The following ARID2 variants were observed in gnomAD, a reference collection of about 807,000 sequenced individuals.
ARID2 encodes the protein AT-rich interaction domain 2.
ARID2 carries 32 observed loss-of-function variants against 184.6 expected under a neutral mutation model. That is an observed-to-expected ratio of 0.17 (90% CI 0.13 to 0.23). ARID2 has a LOEUF of 0.23. ARID2 is among the 10% of genes least tolerant of loss of function. The pLI is 1.00. For missense variants in ARID2, 1,696 were observed against 2,197.6 expected (o/e 0.77, Z 4.56); for synonymous variants, 836 against 772.6 (o/e 1.08, Z -1.36).
At chr12:45,802,116 G>A (rs1464083715) in intron 3 of ARID2, among the ~76,000 whole-genome samples, 2 of 148,890 alleles carry the variant, frequency 1.3e-5, no homozygotes. Context: ...GCCAAGGCTG[G>A]AGTGCAGTGG....
intron 10 of ARID2, among the ~76,000 whole-genome samples, chr12:45,838,518 A>G (rs1943263201): frequency 6.6e-6 from 1 of 152,212 alleles, no homozygotes; most frequent in South Asian, 2.1e-4. Context: ...CTGTAATCCC[A>G]GCACTTTGGG....
chr12:45,767,418 T>A (rs1209685410), intron 3 of ARID2, among the ~76,000 whole-genome samples: 2 of 152,196 alleles, frequency 1.3e-5, no homozygotes, highest in African/African-American at 4.8e-5. Flanking sequence ...AGATTCATGC[T>A]TTTAGTTACT....
At chr12:45,733,418 T>G (rs999270151) in intron 3 of ARID2, among the ~76,000 whole-genome samples, 3 of 152,212 alleles carry the variant, frequency 2.0e-5, no homozygotes, top group Non-Finnish European at 4.4e-5. Context: ...CTCTTCATAG[T>G]AAGAAATAGT....
chr12:45,829,801 CTT>C (rs774087811), intron 6 of ARID2, among the ~76,000 whole-genome samples: 6 of 91,278 alleles, frequency 6.6e-5, no homozygotes, highest in African/African-American at 1.0e-4. Flanking sequence ...CTTTCTTCTT[CTT>C]TTTTTTTTTT....
chr12:45,777,625 C>G (rs1942010172), intron 3 of ARID2, among the ~76,000 whole-genome samples: 1 of 151,824 alleles, frequency 6.6e-6, no homozygotes, highest in Non-Finnish European at 1.5e-5. Flanking sequence ...TAACTTGAGT[C>G]TATCCCTAAT....
intron 20 of ARID2, among the ~76,000 whole-genome samples, chr12:45,895,823 G>A (rs558612431): frequency 3.7e-4 from 57 of 152,226 alleles, no homozygotes; most frequent in Non-Finnish European, 4.6e-4. Flanking sequence ...GTGAGCCACC[G>A]CACCTGGCCA....
At chr12:45,897,918 C>T (rs979172902) in intron 20 of ARID2, among the ~76,000 whole-genome samples, 35 of 151,964 alleles carry the variant, frequency 2.3e-4, no homozygotes, top group African/African-American at 8.0e-4. Flanking sequence ...AATCATGGCT[C>T]ACTGCAGTCT....
intron 11 of ARID2, among the ~76,000 whole-genome samples, chr12:45,843,801 A>T (rs1250552329): frequency 6.6e-6 from 1 of 152,204 alleles, no homozygotes; most frequent in East Asian, 1.9e-4. Context: ...TTTTTCGGAA[A>T]ATGTCTGCCA....
rs2138177079 is a variant in ARID2 at position 45,852,229 on chromosome 12, G to T, written c.4106G>T (p.Gly1369Val). Reference protein sequence around the residue: ...NGICDFDKGDGSHLSKNIPNH... With the variant: ...NGICDFDKGDVSHLSKNIPNH... ...ATCTGTGATTTTGATAAAGGAGATG[G>T]TTCTCATTTAAGCAAAAACATTCCA... The change falls in exon 15 of 21, where the codon GGT becomes GTT. Residue 1369 changes from glycine (G) to valine (V), a missense_variant. Gly to Val is a moderately radical substitution (Grantham distance 109). Transcript: ENST00000334344. The T allele has an allele frequency of 1.9e-6, 3 of 1,614,026 alleles. No individual in the cohort carries two copies. The highest frequency in any genetic ancestry group is 2.5e-6 in the Non-Finnish European group (3 of 1,179,978).
At chr12:45,753,935 CTT>C (rs1446661309) in intron 3 of ARID2, among the ~76,000 whole-genome samples, 3 of 152,244 alleles carry the variant, frequency 2.0e-5, no homozygotes, top group Middle Eastern at 6.8e-3. Context: ...CTCTTAGTGA[CTT>C]TTGCCATTTT....
intron 3 of ARID2, among the ~76,000 whole-genome samples, chr12:45,809,282 A>T (rs2138079220): frequency 6.6e-6 from 1 of 152,366 alleles, no homozygotes; most frequent in East Asian, 1.9e-4. Context: ...ATACTATTAT[A>T]TCCAAGTGAT....
At chr12:45,816,236 T>C (rs1233682779) in intron 4 of ARID2, among the ~76,000 whole-genome samples, 1 of 152,258 alleles carries the variant, frequency 6.6e-6, no homozygotes, top group Non-Finnish European at 1.5e-5. Flanking sequence ...AAAATCTTAG[T>C]TGCTTTGGTT....
chr12:45,795,516 TC>T (rs1408605099), intron 3 of ARID2, among the ~76,000 whole-genome samples: 1 of 152,054 alleles, frequency 6.6e-6, no homozygotes, highest in Admixed American at 6.6e-5. Flanking sequence ...ACTGCAAAGC[TC>T]CGCCTCCCGG....
At chr12:45,903,337 T>C (rs752500878) in intron 20 of ARID2, among the ~76,000 whole-genome samples, 14 of 152,188 alleles carry the variant, frequency 9.2e-5, no homozygotes, top group Admixed American at 7.2e-4. Context: ...ATACGGAACA[T>C]ATTTCTGTTG....
intron 3 of ARID2, among the ~76,000 whole-genome samples, chr12:45,767,511 A>C (rs1941795235): frequency 6.6e-6 from 1 of 152,192 alleles, no homozygotes; most frequent in East Asian, 1.9e-4. Flanking sequence ...AAGACTGGGC[A>C]GGAATGGCAG....
intron 11 of ARID2, among the ~76,000 whole-genome samples, chr12:45,843,585 T>G (rs555321130): frequency 6.6e-6 from 1 of 152,156 alleles, no homozygotes; most frequent in East Asian, 1.9e-4. Flanking sequence ...CCCAGGCTGG[T>G]CACAGAATTT....
intron 6 of ARID2, 131 bp from the exon 7 acceptor site, chr12:45,836,458 C>T (rs533357043): frequency 5.2e-6 from 4 of 772,084 alleles, no homozygotes; most frequent in Non-Finnish European, 7.9e-6. Flanking sequence ...GCAAGTAATC[C>T]TCCCATCTTG....
chr12:45,745,628 A>G (rs1216754618), intron 3 of ARID2, among the ~76,000 whole-genome samples: 1 of 152,098 alleles, frequency 6.6e-6, no homozygotes, highest in Non-Finnish European at 1.5e-5. Flanking sequence ...GCTCACTGCA[A>G]CCTCCACCTC....
intron 3 of ARID2, among the ~76,000 whole-genome samples, chr12:45,805,362 C>G (rs1942581168): frequency 6.6e-6 from 1 of 152,006 alleles, no homozygotes; most frequent in South Asian, 2.1e-4. Context: ...AAGTAACATA[C>G]AGAGTAGAGC....
Sources: allele counts gnomAD v4.1 joint callset (sites outside exome capture counted in the v4.1 genomes callset), GRCh38; gene constraint gnomAD v4.1.1; transcripts MANE v1.5; gene names NCBI Gene and HGNC (gene_info 2026-07-23, HGNC 2026-07-21).